Variants in LRP8 observed in about 807,000 individuals in gnomAD.
LRP8 encodes low-density lipoprotein receptor-related protein 8.
LRP8 carries 46 observed loss-of-function variants against 111.6 expected under a neutral mutation model. The observed-to-expected ratio is 0.41, with a 90% confidence interval of 0.33 to 0.53. The LOEUF is 0.53. Among genes scored for constraint, LRP8 ranks in the 20% least tolerant of loss-of-function variants. LRP8 has a pLI of 0.20. For synonymous variants in LRP8, 464 were observed against 511.2 expected (o/e 0.91, Z 1.24); for missense variants, 959 against 1,297.4 (o/e 0.74, Z 4.01).
intron 3 of LRP8, among the ~76,000 whole-genome samples, chr1:53,289,052 A>C (rs1648140357): frequency 6.6e-6 from 1 of 152,156 alleles, no homozygotes; most frequent in African/African-American, 2.4e-5. Context: ...CCAGAGCCTC[A>C]AAGTCTTGGC....
At chr1:53,312,457 T>G (rs990067581) in intron 2 of LRP8, among the ~76,000 whole-genome samples, 1 of 152,062 alleles carries the variant, frequency 6.6e-6, no homozygotes, top group Non-Finnish European at 1.5e-5. Flanking sequence ...CTCAAACTCC[T>G]GGGCTCAAGC....
At chr1:53,257,103 C>A in intron 15 of LRP8, 137 bp downstream of exon 15, 1 of 785,360 alleles carries the variant, frequency 1.3e-6, no homozygotes, top group Non-Finnish European at 2.1e-6. Flanking sequence ...ACTCTACCTC[C>A]CTCTCAGATA....
rs1452252510 is a variant in LRP8, at chr1:53,262,382, T to G, written c.1774+64A>C. 6.5e-7 allele frequency: 1 copy of G among 1,544,414 alleles called. No homozygotes were observed. Among genetic ancestry groups the G allele is most frequent in the African/African-American group, 1.4e-5 (1 of 73,436 alleles). On this transcript the variant is annotated intron_variant, in intron 11 of 18. Transcript: ENST00000306052. The surrounding 1 kb of genome is among the most constrained non-coding windows in gnomAD (Gnocchi z 4.8). ...GGACCCAGAAACAAGACTCATGGAGTTCCAGACAGTGATCAGGACAAGGCA... is the reference window on the plus strand; with the variant it reads ...GGACCCAGAAACAAGACTCATGGAGGTCCAGACAGTGATCAGGACAAGGCA...
In LRP8 at chr1:53,327,482, G is replaced by C. The variant is rs1258443648; in HGVS notation, c.124+307C>G. 9.9e-6 allele frequency: 3 copies of C among 301,968 alleles called. No homozygotes were observed. The East Asian group carries it at 1.8e-4, about 18-fold the overall frequency. 18.7% of individuals were successfully genotyped at this position (301,968 alleles called of 1,614,324 possible). On this transcript the variant is annotated intron_variant, in intron 1 of 18. Coordinates refer to ENST00000306052, the MANE Select transcript of LRP8 (RefSeq NM_004631.5). Reference sequence around the variant, plus strand: ...GCGCGCGTGTCAAATAAACCCCAACGGCGAGAATCACACAGCTCATCCGGA... The same window carrying C: ...GCGCGCGTGTCAAATAAACCCCAACCGCGAGAATCACACAGCTCATCCGGA...
intron 2 of LRP8, among the ~76,000 whole-genome samples, chr1:53,316,454 T>C (rs1158834330): frequency 6.6e-6 from 1 of 152,228 alleles, no homozygotes; most frequent in Non-Finnish European, 1.5e-5. Flanking sequence ...CTCCAGTAGA[T>C]GTAGGCTCTG....
intron 2 of LRP8, among the ~76,000 whole-genome samples, chr1:53,291,023 G>T (rs1648647065): frequency 6.6e-6 from 1 of 152,160 alleles, no homozygotes; most frequent in Non-Finnish European, 1.5e-5. Context: ...ACAGAACAAG[G>T]TGAGGAAGAG....
chr1:53,264,517 G>A (rs1052986803), intron 9 of LRP8, 121 bp from the exon 10 acceptor site: 21 of 786,526 alleles, frequency 2.7e-5, no homozygotes, highest in African/African-American at 8.6e-5. Context: ...TTAGAGGAAC[G>A]TGGATAATTT....
At chr1:53,325,194 G>C (rs1218265889) in intron 2 of LRP8, among the ~76,000 whole-genome samples, 2 of 152,322 alleles carry the variant, frequency 1.3e-5, no homozygotes, top group East Asian at 3.9e-4. Context: ...ACAGCACTGG[G>C]AAATGGTCCA....
chr1:53,266,402 TC>T lies in LRP8; in HGVS notation c.1427+70del. The T allele has an allele frequency of 6.6e-7, 1 of 1,519,542 alleles. No homozygotes were observed. The highest frequency in any genetic ancestry group is 9.0e-7 in the Non-Finnish European group (1 of 1,105,342). 94.1% of individuals were successfully genotyped at this position (1,519,542 alleles called of 1,614,324 possible). ...GAGCTCTAGAGGCAGACACCACTCC[TC>T]CCCTCCTCACCTGTCACCACCCCTC... On this transcript the variant is annotated intron_variant, in intron 9 of 18. Transcript: ENST00000306052. This position sits in a 1 kb window ranked among gnomAD's most constrained non-coding sequence, Gnocchi z 5.0.
At chr1:53,270,984 G>T in intron 8 of LRP8, 44 bp downstream of exon 8, 1 of 1,613,798 alleles carries the variant, frequency 6.2e-7, no homozygotes, top group Non-Finnish European at 8.5e-7. Context: ...GCTGCTTCCT[G>T]TATGCCTTTC....
chr1:53,278,773 T>TA (rs1647010541), intron 4 of LRP8, among the ~76,000 whole-genome samples: 4 of 146,110 alleles, frequency 2.7e-5, no homozygotes, highest in African/African-American at 5.1e-5. Context: ...TTTTTTTTTT[T>TA]AATTTTCTTT....
chr1:53,327,552 C>A (rs1018153673), intron 1 of LRP8, among the ~76,000 whole-genome samples: 7 of 152,200 alleles, frequency 4.6e-5, no homozygotes, highest in Non-Finnish European at 8.8e-5. Context: ...GCTGGCCAAG[C>A]CCCCCTGCAC....
intron 3 of LRP8, among the ~76,000 whole-genome samples, chr1:53,285,017 G>A (rs769168034): frequency 2.6e-5 from 4 of 152,156 alleles, no homozygotes; most frequent in Non-Finnish European, 4.4e-5. Context: ...AGCCTGGCTC[G>A]CAGGGTCCCA....
Position 53,280,666 on chromosome 1 carries a change from G to A in LRP8, c.417C>T (p.His139=), listed in dbSNP as rs778710293. 2 of 1,613,252 alleles carry A rather than the reference G, an allele frequency of 1.2e-6. No homozygotes were observed. Among genetic ancestry groups the A allele is most frequent in the African/African-American group, 2.7e-5 (2 of 74,940 alleles). The change falls in exon 4 of 19, where the codon CAC becomes CAT. Residue 139 remains histidine, a synonymous_variant. Transcript: ENST00000306052. ...AGCGCCACGAGGCAGGTACACACTT[G>A]TGGCTGGTGGGTCCACAGCTCAGCT... ...AEKLSCGPTS[H]KCVPASWRCD... is the part of the protein sequence containing the mutation.
chr1:53,296,058 A>C (rs1255793649), intron 2 of LRP8, among the ~76,000 whole-genome samples: 2 of 152,168 alleles, frequency 1.3e-5, no homozygotes, highest in Admixed American at 1.3e-4. Context: ...CAGGGACCCC[A>C]CTGGAGACCC....
chr1:53,269,325 T>TA (rs112319784), intron 8 of LRP8, among the ~76,000 whole-genome samples: 1 of 150,286 alleles, frequency 6.7e-6, no homozygotes, highest in Non-Finnish European at 1.5e-5. Flanking sequence ...TTATTATTAT[T>TA]TTTTTTTTTA....
At chr1:53,260,660 A>G in intron 12 of LRP8, 55 bp from the exon 13 acceptor site, 1 of 1,576,506 alleles carries the variant, frequency 6.3e-7, no homozygotes, top group Middle Eastern at 1.7e-4. Flanking sequence ...CCATGACCTC[A>G]GTCTGAGGGG....
At chr1:53,283,441 C>T (rs997581481) in intron 3 of LRP8, among the ~76,000 whole-genome samples, 3 of 150,622 alleles carry the variant, frequency 2.0e-5, no homozygotes, top group South Asian at 2.1e-4. Flanking sequence ...ACTACATACC[C>T]GGGCCACTTA....
chr1:53,257,234 C>T lies in LRP8; in HGVS notation c.2434+6G>A, dbSNP rs758124673. The T allele has an allele frequency of 2.5e-6, 4 of 1,613,830 alleles. No homozygotes were observed. Among genetic ancestry groups the T allele is most frequent in the Non-Finnish European group, 3.4e-6 (4 of 1,179,934 alleles). Reference sequence around the variant, plus strand: ...TCATGAAAGAATGCAGAACTCATTTCCTTACAGTGCTGGGAGTGGTTGCTG... The same window carrying T: ...TCATGAAAGAATGCAGAACTCATTTTCTTACAGTGCTGGGAGTGGTTGCTG... On this transcript the variant is annotated splice_donor_region_variant and intron_variant, in intron 15 of 18. Coordinates refer to ENST00000306052, the MANE Select transcript of LRP8 (RefSeq NM_004631.5).
Sources: allele counts gnomAD v4.1 joint callset (sites outside exome capture counted in the v4.1 genomes callset), GRCh38; gene constraint gnomAD v4.1.1; non-coding constraint Gnocchi (gnomAD v3.1); transcripts MANE v1.5; gene names NCBI Gene and HGNC (gene_info 2026-07-23, HGNC 2026-07-21).